The following NDRG3 variants were observed in gnomAD, a reference collection of about 807,000 sequenced individuals.
The protein encoded by NDRG3 is protein NDRG3.
A neutral mutation model predicts 57.2 loss-of-function variants in NDRG3; 23 were observed. That is an observed-to-expected ratio of 0.40 (90% CI 0.29 to 0.57). The LOEUF (loss-of-function observed/expected upper bound fraction) is 0.57. NDRG3 is among the 20% of genes least tolerant of loss of function. NDRG3 has a pLI of 0.42. For missense variants in NDRG3, 384 were observed against 457.3 expected (o/e 0.84, Z 1.46); for synonymous variants, 132 against 162.6 (o/e 0.81, Z 1.43).
intron 2 of NDRG3, among the ~76,000 whole-genome samples, chr20:36,720,779 T>A (rs1181299999): frequency 6.6e-6 from 1 of 151,474 alleles, no homozygotes; most frequent in East Asian, 1.9e-4. Flanking sequence ...TTTTCTTTTT[T>A]TTTTTTTTTG....
Position 36,652,160 on chromosome 20 carries a change from C to G in NDRG3, c.*1360G>C, listed in dbSNP as rs1205126760. On this transcript the variant is annotated 3_prime_UTR_variant, in exon 16 of 16. Transcript: ENST00000349004. The stretch of plus-strand genomic sequence containing the variant: ...GGGAGCAATGACTCATGCCTGTAAT[C>G]CCAGCACTTTGGGAGGCTGAGGCAG... 1.3e-5 allele frequency: 2 copies of G among 152,272 alleles called. No homozygotes were observed. Among genetic ancestry groups the G allele is most frequent in the Non-Finnish European group, 2.9e-5 (2 of 68,084 alleles). 9.4% of individuals were successfully genotyped at this position (152,272 alleles called of 1,614,324 possible).
chr20:36,725,389 C>A (rs1984863457), intron 1 of NDRG3, among the ~76,000 whole-genome samples: 1 of 151,930 alleles, frequency 6.6e-6, no homozygotes, highest in African/African-American at 2.4e-5. Context: ...GTGGGTGGAT[C>A]ACCTGAGGTT....
chr20:36,739,697 C>T (rs1263223424), intron 1 of NDRG3, among the ~76,000 whole-genome samples: 1 of 151,404 alleles, frequency 6.6e-6, no homozygotes, highest in African/African-American at 2.4e-5. Flanking sequence ...CTGAGGTGGG[C>T]GGATCATGAG....
chr20:36,735,862 G>A (rs1985577873), intron 1 of NDRG3, among the ~76,000 whole-genome samples: 1 of 151,508 alleles, frequency 6.6e-6, no homozygotes, highest in South Asian at 2.1e-4. Context: ...GATGGCGCAT[G>A]CCTTAATCCC....
intron 2 of NDRG3, among the ~76,000 whole-genome samples, chr20:36,718,745 AT>A (rs1312878978): frequency 6.6e-6 from 1 of 152,032 alleles, no homozygotes; most frequent in Admixed American, 6.6e-5. Flanking sequence ...CAGTGGCACA[AT>A]CACAGCTCAC....
rs575813448 is a variant in NDRG3, at chr20:36,693,141, T to TAC, written c.94-4359_94-4358dup. Among the ~76,000 whole-genome samples, 84 of 34,608 alleles carry TAC rather than the reference T, an allele frequency of 2.4e-3. 2 individuals are homozygous for TAC. Among genetic ancestry groups the TAC allele is most frequent in the South Asian group, 9.6e-3 (9 of 942 alleles). The allele number at this position is 34,608 out of a possible 152,430, so 22.7% of individuals were successfully genotyped here. On this transcript the variant is annotated intron_variant, in intron 3 of 15. Transcript: ENST00000349004. The stretch of plus-strand genomic sequence containing the variant: ...ATATATATATATATATATATATATA[T>TAC]ACACACACACACATATACACATATA...
intron 3 of NDRG3, among the ~76,000 whole-genome samples, chr20:36,703,938 GA>G (rs60949665): frequency 1.3e-5 from 2 of 151,692 alleles, no homozygotes; most frequent in Admixed American, 6.6e-5. Context: ...TATATGTATG[GA>G]AAAAAAATCT....
chr20:36,730,553 G>A (rs1342062708), intron 1 of NDRG3, among the ~76,000 whole-genome samples: 3 of 151,908 alleles, frequency 2.0e-5, no homozygotes, highest in African/African-American at 7.2e-5. Context: ...CAGAAACCTC[G>A]CTGAAAGGTA....
At chr20:36,718,831 C>T (rs1984421652) in intron 2 of NDRG3, among the ~76,000 whole-genome samples, 1 of 152,070 alleles carries the variant, frequency 6.6e-6, no homozygotes, top group Non-Finnish European at 1.5e-5. Flanking sequence ...CAGGCATCTG[C>T]CACCACACCT....
chr20:36,682,775 G>C (rs1297011238), intron 6 of NDRG3, among the ~76,000 whole-genome samples, 197 bp from the exon 7 acceptor site: 8 of 152,212 alleles, frequency 5.3e-5, no homozygotes, highest in Admixed American at 5.2e-4. Context: ...ATCTCAGCTG[G>C]GCGCAGTGGC....
chr20:36,676,922 A>G (rs1160829571), intron 8 of NDRG3, among the ~76,000 whole-genome samples: 2 of 152,196 alleles, frequency 1.3e-5, no homozygotes, highest in African/African-American at 2.4e-5. Context: ...CTCCTGCTCT[A>G]TGGAGCAAGC....
At chr20:36,703,470 G>A (rs1983371981) in intron 3 of NDRG3, among the ~76,000 whole-genome samples, 1 of 150,282 alleles carries the variant, frequency 6.7e-6, no homozygotes, top group African/African-American at 2.5e-5. Flanking sequence ...ATATGTGTGT[G>A]TGTGTGTAAT....
At chr20:36,728,421 T>C (rs1482088692) in intron 1 of NDRG3, among the ~76,000 whole-genome samples, 1 of 152,092 alleles carries the variant, frequency 6.6e-6, no homozygotes, top group Non-Finnish European at 1.5e-5. Flanking sequence ...AAATCTGAAA[T>C]CCAAAATGCT....
intron 9 of NDRG3, among the ~76,000 whole-genome samples, chr20:36,667,025 G>A (rs1035392703): frequency 1.3e-5 from 2 of 151,918 alleles, no homozygotes; most frequent in African/African-American, 2.4e-5. Context: ...TAGTAGAGAC[G>A]GGGTCTCACC....
chr20:36,698,972 C>A (rs895743912), intron 3 of NDRG3, among the ~76,000 whole-genome samples: 1 of 152,122 alleles, frequency 6.6e-6, no homozygotes, highest in Non-Finnish European at 1.5e-5. Context: ...GACAGGATCT[C>A]ATTCTAGTGC....
chr20:36,697,964 T>TC, intron 3 of NDRG3, among the ~76,000 whole-genome samples: 1 of 133,390 alleles, frequency 7.5e-6, no homozygotes, highest in South Asian at 2.5e-4. Context: ...TTCTTTTTTC[T>TC]TTTTTTTTTT....
At chr20:36,732,472 C>T (rs1985343581) in intron 1 of NDRG3, among the ~76,000 whole-genome samples, 1 of 152,176 alleles carries the variant, frequency 6.6e-6, no homozygotes, top group Non-Finnish European at 1.5e-5. Context: ...GATTCTAAAC[C>T]TAAATGGGCC....
At chr20:36,702,282 G>A (rs1003009231) in intron 3 of NDRG3, among the ~76,000 whole-genome samples, 5 of 150,862 alleles carry the variant, frequency 3.3e-5, no homozygotes, top group African/African-American at 4.9e-5. Flanking sequence ...GACCACAGGT[G>A]CCCGCCACTA....
intron 9 of NDRG3, 69 bp downstream of exon 9, chr20:36,671,272 C>T (rs745673596): frequency 3.1e-6 from 4 of 1,310,892 alleles, no homozygotes; most frequent in Non-Finnish European, 4.4e-6. Flanking sequence ...GCCCTTCTTT[C>T]CTAAGGTAAA....
Sources: gnomAD v4.1 joint callset for allele counts (sites outside exome capture counted in the v4.1 genomes callset) on GRCh38, gnomAD v4.1.1 for gene constraint, MANE v1.5 for transcripts, NCBI Gene and HGNC (gene_info 2026-07-23, HGNC 2026-07-21) for gene names.